The following ASXL3 variants were observed in gnomAD, a reference collection of about 807,000 sequenced individuals.
ASXL3 encodes the protein putative Polycomb group protein ASXL3.
ASXL3 carries 34 observed loss-of-function variants against 170.6 expected under a neutral mutation model. The ratio of observed to expected loss-of-function variants is 0.20; its 90% CI spans 0.15 to 0.27. The LOEUF (loss-of-function observed/expected upper bound fraction) is 0.27. Ranked by LOEUF, ASXL3 falls within the 10% of genes least tolerant of loss-of-function variation. ASXL3 has a pLI of 1.00. For synonymous variants in ASXL3, 1,002 were observed against 989.1 expected (o/e 1.01, Z -0.24); for missense variants, 2,592 against 2,695.3 (o/e 0.96, Z 0.85).
At chr18:33,692,872 A>T (rs980294743) in intron 8 of ASXL3, among the ~76,000 whole-genome samples, 1 of 152,204 alleles carries the variant, frequency 6.6e-6, no homozygotes, top group African/African-American at 2.4e-5. Flanking sequence ...TCATGCTGCC[A>T]TTGCAAAATT....
intron 7 of ASXL3, among the ~76,000 whole-genome samples, chr18:33,680,143 A>G (rs1001939611): frequency 2.0e-5 from 3 of 152,162 alleles, no homozygotes; most frequent in Non-Finnish European, 2.9e-5. Context: ...TGGCATTTCA[A>G]AAATTTCGGT....
Position 33,740,029 on chromosome 18 carries a change from AG to A in ASXL3, c.2626del (p.Val876CysfsTer59), listed in dbSNP as rs1351452532. On this transcript the variant is annotated frameshift_variant, in exon 11 of 12. Coordinates refer to ENST00000269197, the MANE Select transcript of ASXL3 (RefSeq NM_030632.3). LOFTEE classifies it high-confidence loss of function. ...HSVLQRTEKK[V>X]LPSPLELSVF... ...GCGTCCTGCAAAGAACAGAAAAAAA[AG>A]TGTTACCTTCACCATTGGAATTATC... The A allele has an allele frequency of 6.2e-7, 1 of 1,613,798 alleles. No individual in the cohort carries two copies. Among genetic ancestry groups the A allele is most frequent in the Non-Finnish European group, 8.5e-7 (1 of 1,179,868 alleles).
rs996643867 is a variant in ASXL3 at position 33,743,346 on chromosome 18, A to T, written c.3498A>T (p.Arg1166Ser). The T allele has an allele frequency of 1.2e-6, 2 of 1,613,620 alleles. No homozygotes were observed. The highest frequency in any genetic ancestry group is 2.7e-5 in the African/African-American group (2 of 74,896). ...TGVIIVNPNC[R>S]SPSNKSAHLR... ...TCATTATTGTCAATCCAAACTGTAG[A>T]TCTCCTAGCAACAAGTCTGCCCACC... The change falls in exon 12 of 12, where the codon AGA (arginine) becomes AGT (serine). Residue 1166 changes from arginine to serine, a missense_variant. Arg to Ser is a moderately radical substitution (Grantham distance 110). Coordinates refer to ENST00000269197, the MANE Select transcript of ASXL3 (RefSeq NM_030632.3).
rs749704629 is a variant in ASXL3, at chr18:33,683,452, G to A, written c.763G>A (p.Gly255Arg). The A allele has an allele frequency of 3.7e-6, 6 of 1,613,362 alleles. No individual in the cohort carries two copies. Among genetic ancestry groups the A allele is most frequent in the Non-Finnish European group, 5.1e-6 (6 of 1,179,668 alleles). ...KAEDIDIETP[G>R]SILVNTNLRA... ...TGAGGACATTGACATAGAAACCCCA[G>A]GATCTATTCTTGTCAACACTAACTT... is the stretch of plus-strand genomic sequence containing the variant. Residue 255 changes from glycine (G) to arginine (R), a missense_variant, in exon 8 of 12, where the codon GGA becomes AGA. Physicochemically the swap from Gly to Arg is moderately radical, Grantham distance 125. Coordinates refer to ENST00000269197, the MANE Select transcript of ASXL3 (RefSeq NM_030632.3).
intron 2 of ASXL3, among the ~76,000 whole-genome samples, chr18:33,611,149 C>T (rs2065330929): frequency 6.6e-6 from 1 of 152,002 alleles, no homozygotes; most frequent in Non-Finnish European, 1.5e-5. Context: ...AAAGATAGGA[C>T]AACTTTTTTA....
intron 5 of ASXL3, among the ~76,000 whole-genome samples, chr18:33,668,051 A>C (rs2145247919): frequency 6.6e-6 from 1 of 152,340 alleles, no homozygotes; most frequent in Non-Finnish European, 1.5e-5. Flanking sequence ...TTTGTAGGAC[A>C]TTGACCCAAG....
chr18:33,713,194 A>G (rs549422462), intron 8 of ASXL3, among the ~76,000 whole-genome samples: 1 of 147,840 alleles, frequency 6.8e-6, no homozygotes, highest in African/African-American at 2.5e-5. Context: ...GAGGGGGAGA[A>G]TACAGAGAGG....
At position 33,578,688 on chromosome 18, in the gene ASXL3, ACGTAC is replaced by A; in HGVS notation, c.54+6_54+10del. ...CCTGGGCCGAGGCTGCCCGCCTGGT[ACGTAC>A]CGCCCCCCACACGCCGCCCGCGCCT... On this transcript the variant is annotated splice_donor_5th_base_variant and intron_variant, in intron 1 of 11. Transcript: ENST00000269197. The A allele has an allele frequency of 7.6e-7, 1 of 1,313,420 alleles. No homozygotes were observed. The highest frequency in any genetic ancestry group is 9.9e-7 in the Non-Finnish European group (1 of 1,007,134). The allele number at this position is 1,313,420 out of a possible 1,614,324, so 81.4% of individuals were successfully genotyped here.
At chr18:33,597,843 G>A (rs1230024866) in intron 1 of ASXL3, among the ~76,000 whole-genome samples, 1 of 151,650 alleles carries the variant, frequency 6.6e-6, no homozygotes, top group African/African-American at 2.4e-5. Flanking sequence ...AAATCTACCT[G>A]AGTGATTGTG....
intron 5 of ASXL3, among the ~76,000 whole-genome samples, chr18:33,664,033 A>G (rs931029383): frequency 6.6e-6 from 1 of 152,164 alleles, no homozygotes. Flanking sequence ...ACCTAGGGCC[A>G]GCAGAATGAT....
rs534230046 is a variant in ASXL3 at position 33,666,040 on chromosome 18, A to G, written c.477+4303A>G. ...CAATTATACTCCTTCTCATAACACC[A>G]TCGATATTGAAATTGTACTCTGTGT... On this transcript the variant is annotated intron_variant, in intron 5 of 11. Coordinates refer to ENST00000269197, the MANE Select transcript of ASXL3 (RefSeq NM_030632.3). Among the ~76,000 whole-genome samples the G allele has an allele frequency of 6.6e-5, 10 of 152,294 alleles. No homozygotes were observed. In the East Asian group the frequency reaches 1.7e-3, roughly 26 times the overall value.
At chr18:33,634,846 C>G (rs112612172) in intron 2 of ASXL3, among the ~76,000 whole-genome samples, 17 of 152,168 alleles carry the variant, frequency 1.1e-4, no homozygotes, top group Non-Finnish European at 1.8e-4. Flanking sequence ...ATGAGGTGAA[C>G]ACCTAGAATC....
At chr18:33,677,447 A>G (rs1422995064) in intron 7 of ASXL3, among the ~76,000 whole-genome samples, 1 of 152,188 alleles carries the variant, frequency 6.6e-6, no homozygotes, top group Non-Finnish European at 1.5e-5. Context: ...GTAAAACTAA[A>G]AAACAAAATT....
At chr18:33,659,603 T>C (rs1033298739) in intron 4 of ASXL3, among the ~76,000 whole-genome samples, 2 of 152,148 alleles carry the variant, frequency 1.3e-5, no homozygotes, top group Admixed American at 1.3e-4. Context: ...GTATTATCAG[T>C]AAATACCATA....
intron 2 of ASXL3, among the ~76,000 whole-genome samples, chr18:33,611,637 A>G (rs1187663853): frequency 6.6e-6 from 1 of 152,000 alleles, no homozygotes; most frequent in Non-Finnish European, 1.5e-5. Flanking sequence ...TTGTGGATGG[A>G]TATTTGATAT....
intron 8 of ASXL3, among the ~76,000 whole-genome samples, chr18:33,701,385 T>C (rs920973330): frequency 6.6e-6 from 1 of 152,070 alleles, no homozygotes; most frequent in Admixed American, 6.6e-5. Context: ...TTAGGGAGTG[T>C]TGTCATTGCT....
chr18:33,744,279 C>T lies in ASXL3; in HGVS notation c.4431C>T (p.His1477=). The T allele has an allele frequency of 2.5e-6, 4 of 1,614,022 alleles. No homozygotes were observed. The highest frequency in any genetic ancestry group is 3.4e-6 in the Non-Finnish European group (4 of 1,179,894). ...RSIPCKVIVD[H]STTLTSSLSL... ...TTCCGTGTAAAGTCATCGTTGACCA[C>T]AGCACCACGCTGACCTCCAGTTTGT... The change falls in exon 12 of 12, where the codon CAC becomes CAT. Residue 1477 remains histidine, a synonymous_variant. Transcript: ENST00000269197.
At chr18:33,623,044 T>C (rs1202918620) in intron 2 of ASXL3, among the ~76,000 whole-genome samples, 1 of 152,178 alleles carries the variant, frequency 6.6e-6, no homozygotes, top group East Asian at 1.9e-4. Flanking sequence ...ACACTCCTTA[T>C]ATTTTAGGTC....
intron 8 of ASXL3, among the ~76,000 whole-genome samples, chr18:33,719,967 CAGTT>C (rs1163488329): frequency 3.9e-5 from 6 of 151,948 alleles, no homozygotes; most frequent in Non-Finnish European, 8.8e-5. Flanking sequence ...TGAAAGCACT[CAGTT>C]AGTCTATTAT....
Sources: gnomAD v4.1 joint callset for allele counts (sites outside exome capture counted in the v4.1 genomes callset) on GRCh38, gnomAD v4.1.1 for gene constraint, MANE v1.5 for transcripts, NCBI Gene and HGNC (gene_info 2026-07-23, HGNC 2026-07-21) for gene names.